The following SLC15A2 variants were observed in gnomAD, a reference collection of about 807,000 sequenced individuals.
The protein encoded by SLC15A2 is solute carrier family 15 member 2.
Under a neutral mutation model 95.5 loss-of-function variants are expected in SLC15A2, and 77 were observed. The observed-to-expected ratio is 0.81, with a 90% CI of 0.67 to 0.97. The LOEUF (loss-of-function observed/expected upper bound fraction) is 0.97, where lower values mean the gene tolerates loss of function less well. SLC15A2 is among the 50% of genes least tolerant of loss of function. SLC15A2 has a pLI of 0.00. For synonymous variants in SLC15A2, 306 were observed against 306.9 expected (o/e 1.00, Z 0.03); for missense variants, 893 against 874.4 (o/e 1.02, Z -0.27).
In SLC15A2 at chr3:121,931,720, G is replaced by C. The variant is rs751642564; in HGVS notation, c.1746G>C (p.Leu582=). 1 of 1,608,516 alleles carries C rather than the reference G, an allele frequency of 6.2e-7. No individual in the cohort carries two copies. The highest frequency in any genetic ancestry group is 1.7e-5 in the Admixed American group (1 of 59,992). Residue 582 remains leucine, a synonymous_variant, in exon 19 of 22, where the codon CTG becomes CTC. Transcript: ENST00000489711. ...TTCTAGACTTTGGTGCAGCATATCT[G>C]TTTGTTATTACTAATGTAAGTAGCT... is the stretch of plus-strand genomic sequence containing the variant. ...LGLLDFGAAY[L]FVITNNTNQG...
chr3:121,939,226 T>C, intron 19 of SLC15A2, 123 bp from the exon 20 acceptor site: 1 of 816,202 alleles, frequency 1.2e-6, no homozygotes, highest in Non-Finnish European at 1.8e-6. Context: ...AATGCTCAAT[T>C]TCCTGAAAAT....
At chr3:121,930,768 A>G in intron 17 of SLC15A2, 72 bp from the exon 18 acceptor site, 2 of 961,900 alleles carry the variant, frequency 2.1e-6, no homozygotes, top group Non-Finnish European at 3.3e-6. Context: ...TACCCAAAAC[A>G]TAAAAGGCCC....
intron 3 of SLC15A2, among the ~76,000 whole-genome samples, chr3:121,906,176 C>CT (rs1001794352): frequency 2.0e-4 from 30 of 151,072 alleles, no homozygotes; most frequent in Admixed American, 9.9e-4. Flanking sequence ...GCAACCCCTG[C>CT]TTTTTTTTTG....
chr3:121,938,351 C>T (rs1710391995), intron 19 of SLC15A2, among the ~76,000 whole-genome samples: 1 of 152,226 alleles, frequency 6.6e-6, no homozygotes, highest in African/African-American at 2.4e-5. Context: ...ATGGCGGGCG[C>T]CCCTCCCCCA....
intron 3 of SLC15A2, among the ~76,000 whole-genome samples, chr3:121,907,888 G>A (rs1709686758): frequency 6.6e-6 from 1 of 152,250 alleles, no homozygotes; most frequent in Non-Finnish European, 1.5e-5. Flanking sequence ...ACCCTACTGG[G>A]AGAACGAGTG....
chr3:121,910,139 T>C (rs908796877), intron 3 of SLC15A2, among the ~76,000 whole-genome samples: 2 of 151,918 alleles, frequency 1.3e-5, no homozygotes, highest in African/African-American at 4.8e-5. Context: ...CAAGATCTTT[T>C]GGGAAAGTTG....
intron 19 of SLC15A2, among the ~76,000 whole-genome samples, chr3:121,932,430 C>G (rs1269295583): frequency 3.3e-5 from 5 of 152,158 alleles, no homozygotes; most frequent in African/African-American, 4.8e-5. Context: ...TTCTCACTCT[C>G]TGGAAATTTG....
intron 19 of SLC15A2, among the ~76,000 whole-genome samples, chr3:121,932,689 A>T (rs1710255368): frequency 6.6e-6 from 1 of 152,226 alleles, no homozygotes; most frequent in African/African-American, 2.4e-5. Context: ...GTTTGATGAG[A>T]ACCCAATCTA....
At chr3:121,909,011 A>AT (rs1249737563) in intron 3 of SLC15A2, among the ~76,000 whole-genome samples, 5 of 152,060 alleles carry the variant, frequency 3.3e-5, no homozygotes, top group Non-Finnish European at 5.9e-5. Context: ...CATCTCTACA[A>AT]TAAAAAAAAA....
At chr3:121,914,750 C>T (rs562189158) in intron 5 of SLC15A2, among the ~76,000 whole-genome samples, 166 of 150,724 alleles carry the variant, frequency 1.1e-3, no homozygotes, top group African/African-American at 3.5e-3. Flanking sequence ...CAGACACTTA[C>T]GGGAGGCAGA....
At chr3:121,931,398 T>G (rs1217325414) in intron 18 of SLC15A2, among the ~76,000 whole-genome samples, 1 of 152,244 alleles carries the variant, frequency 6.6e-6, no homozygotes, top group Non-Finnish European at 1.5e-5. Context: ...ATATGATTTG[T>G]AACTTCTTTA....
chr3:121,938,087 G>A (rs1452799875), intron 19 of SLC15A2, among the ~76,000 whole-genome samples: 6 of 151,758 alleles, frequency 4.0e-5, no homozygotes, highest in Non-Finnish European at 7.4e-5. Flanking sequence ...AGGGGTCAGG[G>A]GTCAGGGACC....
chr3:121,940,329 G>A, intron 20 of SLC15A2, 55 bp from the exon 21 acceptor site: 1 of 1,332,548 alleles, frequency 7.5e-7, no homozygotes, highest in Non-Finnish European at 1.1e-6. Context: ...TGGATGCATG[G>A]GGCATGAGGG....
chr3:121,912,693 C>T (rs1468134641), intron 4 of SLC15A2, among the ~76,000 whole-genome samples: 1 of 151,900 alleles, frequency 6.6e-6, no homozygotes, highest in Non-Finnish European at 1.5e-5. Context: ...CTCCTTTGAC[C>T]AAAACAAGAT....
intron 3 of SLC15A2, among the ~76,000 whole-genome samples, chr3:121,910,556 C>A (rs1246328716): frequency 1.3e-5 from 2 of 152,100 alleles, no homozygotes; most frequent in African/African-American, 4.8e-5. Context: ...GAAAGCTAAC[C>A]CAAGGATTAG....
At chr3:121,913,983 T>C (rs1709827493) in intron 5 of SLC15A2, among the ~76,000 whole-genome samples, 1 of 150,880 alleles carries the variant, frequency 6.6e-6, no homozygotes, top group Admixed American at 6.6e-5. Context: ...CTCTTTCCTC[T>C]TCCCTCTTCC....
intron 20 of SLC15A2, among the ~76,000 whole-genome samples, chr3:121,939,970 T>C (rs936805801): frequency 6.6e-6 from 1 of 152,048 alleles, no homozygotes; most frequent in African/African-American, 2.4e-5. Flanking sequence ...CATTCCTGGC[T>C]AATTTTTGTA....
intron 17 of SLC15A2, among the ~76,000 whole-genome samples, chr3:121,930,131 T>G (rs1348857591): frequency 6.6e-6 from 1 of 152,224 alleles, no homozygotes; most frequent in Non-Finnish European, 1.5e-5. Context: ...CAGTGTAGAA[T>G]GATCTAAAGT....
chr3:121,930,155 T>G (rs1343596614), intron 17 of SLC15A2, among the ~76,000 whole-genome samples: 1 of 152,192 alleles, frequency 6.6e-6, no homozygotes, highest in Non-Finnish European at 1.5e-5. Context: ...GGAATCAACA[T>G]TCAGGACTCT....
Sources: allele counts gnomAD v4.1 joint callset (sites outside exome capture counted in the v4.1 genomes callset), GRCh38; gene constraint gnomAD v4.1.1; transcripts MANE v1.5; gene names NCBI Gene and HGNC (gene_info 2026-07-23, HGNC 2026-07-21).